The following TP63 variants were observed in gnomAD, a reference collection of about 807,000 sequenced individuals.
TP63 encodes the protein tumor protein p63, also known as tumor protein 63.
In TP63, 17 loss-of-function variants were observed where a neutral mutation model predicts 82.8. That is an observed-to-expected ratio of 0.21 (90% CI 0.14 to 0.31). TP63 has a LOEUF of 0.31. Ranked by LOEUF, TP63 falls within the 10% of genes least tolerant of loss-of-function variation. The probability of loss-of-function intolerance (pLI) is 1.00; values close to 1 mark genes in which losing one functional copy is unlikely to be tolerated. For missense variants in TP63, 648 were observed against 895.3 expected, an observed-to-expected ratio of 0.72 and a Z score of 3.52; for synonymous variants, 330 against 321.7, an observed-to-expected ratio of 1.03 and a Z score of -0.28.
rs1331982889 is a variant in TP63 at position 189,896,576 on chromosome 3, G to C, written c.*2074G>C. The stretch of plus-strand genomic sequence containing the variant: ...CATGCAGCTTTGCAAACCCATTAAG[G>C]GGAAGAATGAAAGCTGTTCCTTGGT... On this transcript the variant is annotated 3_prime_UTR_variant, in exon 14 of 14. Coordinates refer to ENST00000264731, the MANE Select transcript of TP63 (RefSeq NM_003722.5). 3 of 211,180 alleles carry C rather than the reference G, an allele frequency of 1.4e-5. No individual in the cohort carries two copies. Among genetic ancestry groups the C allele is most frequent in the Non-Finnish European group, 1.9e-5 (2 of 103,838 alleles). 13.1% of individuals were successfully genotyped at this position (211,180 alleles called of 1,614,324 possible).
At chr3:189,640,119 A>C (rs780265463) in intron 1 of TP63, among the ~76,000 whole-genome samples, 19 of 152,132 alleles carry the variant, frequency 1.2e-4, no homozygotes, top group Non-Finnish European at 2.5e-4. Context: ...TAAATAATGA[A>C]TATATTATTC....
At chr3:189,868,208 T>C (rs1717968556) in intron 7 of TP63, among the ~76,000 whole-genome samples, 1 of 152,256 alleles carries the variant, frequency 6.6e-6, no homozygotes, top group Non-Finnish European at 1.5e-5. Context: ...GGAATTGTTC[T>C]GATTAGACCA....
At position 189,840,857 on chromosome 3, in the gene TP63, CAAA is replaced by C. The variant is rs58360712; in HGVS notation, c.580-23356_580-23354del. On this transcript the variant is annotated intron_variant, in intron 4 of 13. Coordinates refer to ENST00000264731, the MANE Select transcript of TP63 (RefSeq NM_003722.5). ...GGGCGACAGAGCAAGACTCAGTCTC[CAAA>C]AAAAAAAAAAAAAAAAAACAACTAT... Among the ~76,000 whole-genome samples the C allele has an allele frequency of 8.1e-3, 786 of 97,154 alleles. 6 individuals are homozygous for C. The highest frequency in any genetic ancestry group is 0.023 in the African/African-American group (556 of 24,528). 63.7% of individuals were successfully genotyped at this position (97,154 alleles called of 152,430 possible). A position where few individuals can be genotyped will look rare whatever the true frequency, so the allele number is the denominator to read the frequency against.
intron 1 of TP63, among the ~76,000 whole-genome samples, chr3:189,682,547 AAAAAAAATATAT>A (rs1325026815): frequency 1.0e-3 from 29 of 27,744 alleles, no homozygotes; most frequent in Middle Eastern, 0.016. Context: ...AAAAAAAAAA[AAAAAAAATATAT>A]ATATATATAT....
chr3:189,789,928 G>A (rs535110303), intron 3 of TP63: 15 of 1,320,800 alleles, frequency 1.1e-5, no homozygotes, highest in East Asian at 2.8e-5. Flanking sequence ...TGCGGTTCTC[G>A]GTCACCCAAT....
the TP63 span, among the ~76,000 whole-genome samples, chr3:189,615,758 C>T: frequency 6.6e-6 from 1 of 152,198 alleles, no homozygotes; most frequent in African/African-American, 2.4e-5. Flanking sequence ...TCTCCTTCCT[C>T]ATGAAGTAGA....
intron 6 of TP63, among the ~76,000 whole-genome samples, 189 bp downstream of exon 6, chr3:189,866,986 T>C (rs1053364409): frequency 6.6e-6 from 1 of 152,322 alleles, no homozygotes. Context: ...AATACCTAAA[T>C]ATGCACTGAA....
chr3:189,682,553 A>ATATATGT (rs1322646970), intron 1 of TP63, among the ~76,000 whole-genome samples: 58 of 10,362 alleles, frequency 5.6e-3, no homozygotes, highest in Non-Finnish European at 0.012. Flanking sequence ...AAAAAAAAAA[A>ATATATGT]ATATATATAT....
chr3:189,870,936 A>AG (rs1168800256), intron 9 of TP63, among the ~76,000 whole-genome samples: 2 of 152,158 alleles, frequency 1.3e-5, no homozygotes, highest in African/African-American at 4.8e-5. Context: ...CCTGACTCTC[A>AG]GGGGAATAAA....
At chr3:189,784,059 T>C (rs1724418517) in intron 3 of TP63, among the ~76,000 whole-genome samples, 1 of 152,010 alleles carries the variant, frequency 6.6e-6, no homozygotes, top group African/African-American at 2.4e-5. Flanking sequence ...ACTTTTAATG[T>C]AATTCTGAGA....
intron 4 of TP63, among the ~76,000 whole-genome samples, chr3:189,848,276 C>G (rs1454169379): frequency 2.4e-5 from 1 of 41,584 alleles, no homozygotes; most frequent in East Asian, 6.4e-4. Context: ...TCTCTGTTGC[C>G]TAGGCTGGAG....
chr3:189,829,815 GT>G (rs1348451032), intron 4 of TP63: 4 of 253,864 alleles, frequency 1.6e-5, no homozygotes, highest in Non-Finnish European at 2.5e-5. Context: ...ACTGCTGACA[GT>G]TTTTTTCAAA....
chr3:189,622,762 T>C, the TP63 span, among the ~76,000 whole-genome samples: 9 of 152,298 alleles, frequency 5.9e-5, no homozygotes, highest in African/African-American at 2.2e-4. Flanking sequence ...CATCGTGTGA[T>C]TGTAAGTTTG....
At chr3:189,885,909 G>C (rs1554132) in intron 10 of TP63, among the ~76,000 whole-genome samples, 70,093 of 152,024 alleles carry the variant, frequency 0.46, 16,352 homozygotes, top group Middle Eastern at 0.52. Flanking sequence ...GTTTGATTGG[G>C]TTTGTAGTCA....
chr3:189,731,477 T>G (rs1720172372), intron 1 of TP63, among the ~76,000 whole-genome samples: 1 of 152,214 alleles, frequency 6.6e-6, no homozygotes, highest in Admixed American at 6.5e-5. Context: ...ACCTCTCAGG[T>G]CTATTATTTC....
intron 1 of TP63, among the ~76,000 whole-genome samples, chr3:189,698,769 C>A (rs1717584451): frequency 6.6e-6 from 1 of 152,048 alleles, no homozygotes; most frequent in African/African-American, 2.4e-5. Flanking sequence ...GCCTATTGAT[C>A]ATATCTAAAC....
chr3:189,603,602 CA>C, the TP63 span, among the ~76,000 whole-genome samples: 1 of 137,202 alleles, frequency 7.3e-6, no homozygotes, highest in Admixed American at 8.1e-5. Context: ...AAACATCAAG[CA>C]GTCACTTTTT....
intron 1 of TP63, among the ~76,000 whole-genome samples, chr3:189,632,218 A>G (rs918182401): frequency 3.3e-5 from 5 of 152,158 alleles, no homozygotes; most frequent in African/African-American, 7.2e-5. Flanking sequence ...TGAAATCTGA[A>G]CAGTGTTTTT....
At chr3:189,608,231 GA>G in the TP63 span, among the ~76,000 whole-genome samples, 1 of 152,138 alleles carries the variant, frequency 6.6e-6, no homozygotes, top group Non-Finnish European at 1.5e-5. Flanking sequence ...AAATCTTGGG[GA>G]GGGGTATTTA....
Sources: gnomAD v4.1 joint callset for allele counts (sites outside exome capture counted in the v4.1 genomes callset) on GRCh38, gnomAD v4.1.1 for gene constraint, MANE v1.5 for transcripts, NCBI Gene and HGNC (gene_info 2026-07-23, HGNC 2026-07-21) for gene names.